The following SLC6A4 variants were observed in gnomAD, a reference collection of about 807,000 sequenced individuals.
SLC6A4 encodes sodium-dependent serotonin transporter.
Under a neutral mutation model 73.4 loss-of-function variants are expected in SLC6A4, and 22 were observed. The observed-to-expected ratio is 0.30, with a 90% confidence interval of 0.21 to 0.43. SLC6A4 has a LOEUF of 0.43. SLC6A4 is among the 20% of genes least tolerant of loss of function. SLC6A4 has a pLI of 1.00. For synonymous variants in SLC6A4, 270 were observed against 315.5 expected, an observed-to-expected ratio of 0.86 and a Z score of 1.53; for missense variants, 593 against 808.5, an observed-to-expected ratio of 0.73 and a Z score of 3.23.
At chr17:30,224,604 C>T (rs376188622) in intron 1 of SLC6A4, among the ~76,000 whole-genome samples, 5 of 152,294 alleles carry the variant, frequency 3.3e-5, no homozygotes, top group African/African-American at 1.2e-4. Context: ...ATTGCATCAC[C>T]CAAGCGTTCC....
intron 13 of SLC6A4, among the ~76,000 whole-genome samples, chr17:30,205,478 G>T (rs890511132): frequency 6.6e-6 from 1 of 152,112 alleles, no homozygotes; most frequent in African/African-American, 2.4e-5. Flanking sequence ...TTTATGTCAG[G>T]GCTTCTGCTT....
chr17:30,200,061 A>G (rs1905984939), intron 14 of SLC6A4, among the ~76,000 whole-genome samples: 1 of 152,172 alleles, frequency 6.6e-6, no homozygotes, highest in South Asian at 2.1e-4. Flanking sequence ...ACGATGCTCA[A>G]CTATTAGAAC....
intron 7 of SLC6A4, 123 bp from the exon 8 acceptor site, chr17:30,215,837 G>A (rs937313913): frequency 9.2e-6 from 8 of 865,380 alleles, no homozygotes; most frequent in Non-Finnish European, 1.5e-5. Flanking sequence ...CAGCTTTTAA[G>A]GCTCATTCCA....
intron 11 of SLC6A4, 97 bp downstream of exon 11, chr17:30,210,418 C>CA (rs1030015574): frequency 1.5e-6 from 2 of 1,353,988 alleles, no homozygotes. Context: ...GTCCCAAAGC[C>CA]AGGGCACTGT....
rs980043807 is a variant in SLC6A4 at position 30,207,639 on chromosome 17, G to A, written c.1650+93C>T. ...CCCAAAGTGTTGGGATTACAAGGATGAGCCACCGTGCCCAGCCATTACAAT... is the reference window on the plus strand; with the variant it reads ...CCCAAAGTGTTGGGATTACAAGGATAAGCCACCGTGCCCAGCCATTACAAT... On this transcript the variant is annotated intron_variant, in intron 13 of 14. Coordinates refer to ENST00000650711, the MANE Select transcript of SLC6A4 (RefSeq NM_001045.6). The A allele has an allele frequency of 1.2e-5, 10 of 818,958 alleles. No individual in the cohort carries two copies. In the East Asian group the frequency reaches 1.5e-4, roughly 13 times the overall value. The allele number at this position is 818,958 out of a possible 1,614,324, so 50.7% of individuals were successfully genotyped here.
chr17:30,199,724 T>A (rs918364742), intron 14 of SLC6A4, among the ~76,000 whole-genome samples: 1 of 152,108 alleles, frequency 6.6e-6, no homozygotes, highest in Non-Finnish European at 1.5e-5. Context: ...TGCAGGGAGT[T>A]TAAAAAGGAG....
At chr17:30,222,529 A>C (rs1428965649) in intron 2 of SLC6A4, among the ~76,000 whole-genome samples, 1 of 152,242 alleles carries the variant, frequency 6.6e-6, no homozygotes, top group Non-Finnish European at 1.5e-5. Context: ...TTCAGCAGGC[A>C]GGACAGTCCT....
At chr17:30,233,270 G>A (rs56232678) in intron 1 of SLC6A4, among the ~76,000 whole-genome samples, 1,759 of 152,282 alleles carry the variant, frequency 0.012, 36 homozygotes, top group African/African-American at 0.041. Context: ...GAAAATCGGT[G>A]CAGCCCAAAT....
Position 30,194,382 on chromosome 17 carries a change from TA to T in SLC6A4, c.*4073del. ...ACTTGAAATATTTATAAACACTGCATAAATGAATACAAGGGCACTGTATGAA... is the reference window on the plus strand; with the variant it reads ...ACTTGAAATATTTATAAACACTGCATAATGAATACAAGGGCACTGTATGAA... On this transcript the variant is annotated 3_prime_UTR_variant, in exon 15 of 15. Coordinates refer to ENST00000650711, the MANE Select transcript of SLC6A4 (RefSeq NM_001045.6). The T allele has an allele frequency of 6.6e-6, 1 of 152,286 alleles. No individual in the cohort carries two copies. Among genetic ancestry groups the T allele is most frequent in the East Asian group, 1.9e-4 (1 of 5,186 alleles). The allele number at this position is 152,286 out of a possible 1,614,324, so 9.4% of individuals were successfully genotyped here.
chr17:30,223,796 G>A (rs2020936), intron 1 of SLC6A4, among the ~76,000 whole-genome samples: 115,017 of 151,714 alleles, frequency 0.76, 44,385 homozygotes, highest in East Asian at 0.89. Context: ...GACAAGAGCG[G>A]TCTCCATAAC....
chr17:30,225,383 T>G (rs1432462758), intron 1 of SLC6A4, among the ~76,000 whole-genome samples: 1 of 152,166 alleles, frequency 6.6e-6, no homozygotes, highest in Non-Finnish European at 1.5e-5. Flanking sequence ...TTTTTTCTGA[T>G]TCTGCAGAGC....
chr17:30,224,740 G>T (rs756522497), intron 1 of SLC6A4, among the ~76,000 whole-genome samples: 2 of 152,150 alleles, frequency 1.3e-5, no homozygotes, highest in African/African-American at 2.4e-5. Flanking sequence ...CCTGCCTCAG[G>T]GGCCAAATGA....
chr17:30,224,498 G>A (rs1206031496), intron 1 of SLC6A4, among the ~76,000 whole-genome samples: 1 of 152,118 alleles, frequency 6.6e-6, no homozygotes, highest in Non-Finnish European at 1.5e-5. Context: ...GATCACAGGT[G>A]TGAGACACCA....
chr17:30,228,643 G>C (rs1362892327), intron 1 of SLC6A4, among the ~76,000 whole-genome samples: 2 of 152,138 alleles, frequency 1.3e-5, no homozygotes, highest in Non-Finnish European at 2.9e-5. Context: ...TTATTCAGGG[G>C]CCAGTAGGCA....
rs548560423 is a variant in SLC6A4 at position 30,198,320 on chromosome 17, G to T, written c.*136C>A. 2.2e-5 allele frequency: 13 copies of T among 588,640 alleles called. No homozygotes were observed. The highest frequency in any genetic ancestry group is 1.3e-4 in the African/African-American group (7 of 52,812). 36.5% of individuals were successfully genotyped at this position (588,640 alleles called of 1,614,324 possible). On this transcript the variant is annotated 3_prime_UTR_variant, in exon 15 of 15. Coordinates refer to ENST00000650711, the MANE Select transcript of SLC6A4 (RefSeq NM_001045.6). ...AGGCCTTGAGTCTGGGCACCAGACT[G>T]TGTCCCTGTGGAGAAGGCCCTTCCA...
chr17:30,222,739 G>A (rs1906807408), intron 2 of SLC6A4, 80 bp downstream of exon 2: 6 of 1,207,672 alleles, frequency 5.0e-6, no homozygotes, highest in East Asian at 5.6e-5. Flanking sequence ...GCTGTGTCCA[G>A]TCTATCTGCA....
chr17:30,222,855 G>C lies in SLC6A4; in HGVS notation c.-160C>G. On this transcript the variant is annotated 5_prime_UTR_variant, in exon 2 of 15. Transcript: ENST00000650711. ...CTTTCCACTTGCCAGCAACTCCTGTGGCTAAGCCCCTTGTTATTCTGCAAG... is the reference window on the plus strand; with the variant it reads ...CTTTCCACTTGCCAGCAACTCCTGTCGCTAAGCCCCTTGTTATTCTGCAAG... 1 of 1,304,318 alleles carries C rather than the reference G, an allele frequency of 7.7e-7. No individual in the cohort carries two copies. Among genetic ancestry groups the C allele is most frequent in the Non-Finnish European group, 1.0e-6 (1 of 988,742 alleles). 80.8% of individuals were successfully genotyped at this position (1,304,318 alleles called of 1,614,324 possible). A position where few individuals can be genotyped will look rare whatever the true frequency, so the allele number is the denominator to read the frequency against.
rs1207431394 is a variant in SLC6A4 at position 30,216,103 on chromosome 17, C to A, written c.951G>T (p.Trp317Cys). ...RGVLFYLKPNWQKLLETGVWI... is the reference protein window; with the variant it reads ...RGVLFYLKPNCQKLLETGVWI... ...TTACCCCTGTCTCCAGGAGTTTCTG[C>A]CAATTGGGTTTCAAGTAGAAGAGAA... Residue 317 changes from tryptophan to cysteine, a missense_variant, in exon 7 of 15, where the codon TGG becomes TGT. By Grantham distance (215) the Trp-to-Cys change is radical (BLOSUM62 -2). Coordinates refer to ENST00000650711, the MANE Select transcript of SLC6A4 (RefSeq NM_001045.6). The A allele has an allele frequency of 1.9e-6, 3 of 1,613,222 alleles. No individual in the cohort carries two copies. The highest frequency in any genetic ancestry group is 2.5e-6 in the Non-Finnish European group (3 of 1,179,650).
intron 1 of SLC6A4, among the ~76,000 whole-genome samples, chr17:30,228,385 C>T (rs1444225768): frequency 6.6e-6 from 1 of 152,224 alleles, no homozygotes; most frequent in Non-Finnish European, 1.5e-5. Flanking sequence ...TCACTATCAC[C>T]ACCATACATC....
Sources: gnomAD v4.1 joint callset for allele counts (sites outside exome capture counted in the v4.1 genomes callset) on GRCh38, gnomAD v4.1.1 for gene constraint, MANE v1.5 for transcripts, NCBI Gene and HGNC (gene_info 2026-07-23, HGNC 2026-07-21) for gene names.